The following PCDHGA12 variants were observed in gnomAD, a reference collection of about 807,000 sequenced individuals.
The protein encoded by PCDHGA12 is protocadherin gamma subfamily A, 12.
Under a neutral mutation model 61.1 loss-of-function variants are expected in PCDHGA12, and 43 were observed. The observed-to-expected ratio is 0.70, with a 90% CI of 0.55 to 0.91. PCDHGA12 has a LOEUF of 0.91. Ranked by LOEUF, PCDHGA12 falls within the 40% of genes least tolerant of loss-of-function variation. The pLI is 0.00. For missense variants in PCDHGA12, 1,236 were observed against 1,227.7 expected, an observed-to-expected ratio of 1.01 and a Z score of -0.10; for synonymous variants, 520 against 542.9, an observed-to-expected ratio of 0.96 and a Z score of 0.59.
chr5:141,478,637 G>A (rs1227108157), intron 1 of PCDHGA12: 2 of 1,552,684 alleles, frequency 1.3e-6, no homozygotes, highest in Non-Finnish European at 1.7e-6. Context: ...TTTTAGTGAT[G>A]AAGATGTTTT....
intron 1 of PCDHGA12, among the ~76,000 whole-genome samples, chr5:141,488,802 A>G (rs910422824): frequency 2.0e-5 from 3 of 152,294 alleles, no homozygotes; most frequent in Middle Eastern, 3.4e-3. Flanking sequence ...CCTGTTGAGT[A>G]CCATCTGAGC....
intron 1 of PCDHGA12, among the ~76,000 whole-genome samples, chr5:141,457,015 A>T (rs1216403373): frequency 6.6e-6 from 1 of 152,182 alleles, no homozygotes; most frequent in Admixed American, 6.5e-5. Context: ...AATCCAATAA[A>T]AAGTCCTAGT....
In PCDHGA12 at chr5:141,432,139, T is replaced by A. The variant is rs950514553; in HGVS notation, c.1380T>A (p.Tyr460Ter). ...TCCCTCAGGCCTCCTATTCCGCTTA[T>A]ATCCCAGAGAACAATCCCAGAGGAG... is the stretch of plus-strand genomic sequence containing the variant. The part of the protein sequence containing the change: ...PVFPQASYSA[Y>*]IPENNPRGVS... Residue 460 changes from tyrosine to a stop codon, truncating the protein, a stop_gained, in exon 1 of 4, where the codon TAT becomes TAA. Transcript: ENST00000252085. LOFTEE classifies it high-confidence loss of function. The surrounding 1 kb of genome is among the most constrained non-coding windows in gnomAD (Gnocchi z 6.0). The A allele has an allele frequency of 6.8e-6, 11 of 1,613,976 alleles. No individual in the cohort carries two copies. Among genetic ancestry groups the A allele is most frequent in the Non-Finnish European group, 9.3e-6 (11 of 1,180,032 alleles).
In PCDHGA12 at chr5:141,430,556, C is replaced by A. The variant is rs1479639096; in HGVS notation, c.-204C>A. The A allele has an allele frequency of 9.7e-6, 4 of 413,394 alleles. No homozygotes were observed. Among genetic ancestry groups the A allele is most frequent in the African/African-American group, 2.1e-5 (1 of 48,690 alleles). 25.6% of individuals were successfully genotyped at this position (413,394 alleles called of 1,614,324 possible). On this transcript the variant is annotated 5_prime_UTR_variant, in exon 1 of 4. Transcript: ENST00000252085. ...ACTCTGAGCGCCGCTGTTCACCAAT[C>A]GGGGAGAGAAAAGCGGAGATCCTGC...
At chr5:141,474,893 T>C (rs1406276730) in intron 1 of PCDHGA12, among the ~76,000 whole-genome samples, 1 of 152,256 alleles carries the variant, frequency 6.6e-6, no homozygotes, top group East Asian at 1.9e-4. Flanking sequence ...TAGAGGTTCA[T>C]TTCTTGTTCA....
rs1228831823 is a variant in PCDHGA12, at chr5:141,487,778, T to C, written c.2425-7029T>C. ...GGTAGACGCTGTGCTTTGTAACTGT[T>C]TCGTGAATTAACCAGAGTTGTCACA... On this transcript the variant is annotated intron_variant, in intron 1 of 3. Coordinates refer to ENST00000252085, the MANE Select transcript of PCDHGA12 (RefSeq NM_003735.3). The surrounding 1 kb of genome is among the most constrained non-coding windows in gnomAD (Gnocchi z 5.0). The C allele has an allele frequency of 6.5e-7, 1 of 1,531,514 alleles. No individual in the cohort carries two copies. The highest frequency in any genetic ancestry group is 2.0e-5 in the Admixed American group (1 of 49,632). 94.9% of individuals were successfully genotyped at this position (1,531,514 alleles called of 1,614,324 possible).
intron 1 of PCDHGA12, among the ~76,000 whole-genome samples, chr5:141,460,070 T>C (rs547558436): frequency 2.0e-5 from 3 of 152,202 alleles, no homozygotes; most frequent in South Asian, 2.1e-4. Flanking sequence ...AGAGTGAGAC[T>C]TCATCTAAAA....
At position 141,491,766 on chromosome 5, in the gene PCDHGA12, T is replaced by G. The variant is rs772444495; in HGVS notation, c.2425-3041T>G. On this transcript the variant is annotated intron_variant, in intron 1 of 3. Coordinates refer to ENST00000252085, the MANE Select transcript of PCDHGA12 (RefSeq NM_003735.3). This position sits in a 1 kb window ranked among gnomAD's most constrained non-coding sequence, Gnocchi z 6.9. ...GCACTGGAGAAGCCGCCCGTCCTCA[T>G]AAGGGATTGAACTTGCATCCACTCC... The G allele has an allele frequency of 1.9e-6, 3 of 1,567,856 alleles. No homozygotes were observed. Among genetic ancestry groups the G allele is most frequent in the Non-Finnish European group, 8.6e-7 (1 of 1,158,088 alleles).
At chr5:141,499,115 C>T (rs940275925) in intron 2 of PCDHGA12, among the ~76,000 whole-genome samples, 16 of 152,124 alleles carry the variant, frequency 1.1e-4, no homozygotes, top group African/African-American at 3.9e-4. Context: ...CACCACTATC[C>T]CTTCTCAGGT....
At chr5:141,434,683 T>A (rs1057301534) in intron 1 of PCDHGA12, among the ~76,000 whole-genome samples, 8 of 152,248 alleles carry the variant, frequency 5.3e-5, no homozygotes, top group Non-Finnish European at 5.9e-5. Flanking sequence ...AATGACTGGC[T>A]TGCTGTTAAT....
intron 1 of PCDHGA12, among the ~76,000 whole-genome samples, chr5:141,472,792 C>A (rs2099297177): frequency 6.6e-6 from 1 of 151,698 alleles, no homozygotes; most frequent in African/African-American, 2.4e-5. Context: ...TCAAGATCAG[C>A]CTGACCAACA....
intron 1 of PCDHGA12, among the ~76,000 whole-genome samples, chr5:141,462,035 C>G (rs35674654): frequency 2.0e-5 from 3 of 152,076 alleles, no homozygotes; most frequent in Non-Finnish European, 4.4e-5. Context: ...GTTGGTCAGG[C>G]GGGTCTTGAA....
chr5:141,500,835 A>G (rs965204931), intron 2 of PCDHGA12, among the ~76,000 whole-genome samples: 13 of 152,118 alleles, frequency 8.5e-5, no homozygotes, highest in African/African-American at 3.1e-4. Context: ...TCTAATGCTA[A>G]TGGGCTTTTG....
At chr5:141,488,932 A>G (rs2233598) in intron 1 of PCDHGA12, among the ~76,000 whole-genome samples, 31,368 of 152,090 alleles carry the variant, frequency 0.21, 3,372 homozygotes, top group Admixed American at 0.31. Flanking sequence ...GGATTGAGGA[A>G]ACTCCATAAT....
At chr5:141,473,919 A>G (rs2099331297) in intron 1 of PCDHGA12, among the ~76,000 whole-genome samples, 1 of 152,172 alleles carries the variant, frequency 6.6e-6, no homozygotes, top group African/African-American at 2.4e-5. Flanking sequence ...TAAGAAAACT[A>G]TGAGCTGGGT....
Position 141,485,261 on chromosome 5 carries a change from C to G in PCDHGA12, c.2425-9546C>G, listed in dbSNP as rs759268725. 1 of 1,614,076 alleles carries G rather than the reference C, an allele frequency of 6.2e-7. No homozygotes were observed. The highest frequency in any genetic ancestry group is 8.5e-7 in the Non-Finnish European group (1 of 1,179,904). On this transcript the variant is annotated intron_variant, in intron 1 of 3. Transcript: ENST00000252085. This position sits in a 1 kb window ranked among gnomAD's most constrained non-coding sequence, Gnocchi z 5.7. The stretch of plus-strand genomic sequence containing the variant: ...TTACCACCTGGGTTACGTTTGTGGG[C>G]AGATCCGCTACCCGGTCCCAGAGGA...
In PCDHGA12 at chr5:141,489,094, G is replaced by T; in HGVS notation, c.2425-5713G>T. The T allele has an allele frequency of 1.5e-5, 6 of 395,994 alleles. No homozygotes were observed. The highest frequency in any genetic ancestry group is 4.1e-5 in the East Asian group (1 of 24,388). The allele number at this position is 395,994 out of a possible 1,614,324, so 24.5% of individuals were successfully genotyped here. ...CCCACCCCCGCCACTCGGTGACTAA[G>T]AACTGCTGCAAGCAGGCAAACCTCC... On this transcript the variant is annotated intron_variant, in intron 1 of 3. Coordinates refer to ENST00000252085, the MANE Select transcript of PCDHGA12 (RefSeq NM_003735.3). This position sits in a 1 kb window ranked among gnomAD's most constrained non-coding sequence, Gnocchi z 4.5.
intron 1 of PCDHGA12, among the ~76,000 whole-genome samples, chr5:141,450,313 T>G (rs2098676929): frequency 6.6e-6 from 1 of 152,172 alleles, no homozygotes; most frequent in Middle Eastern, 3.4e-3. Context: ...ATGTGTGGCC[T>G]AGTTGCCATG....
Position 141,485,739 on chromosome 5 carries a change from G to A in PCDHGA12, c.2425-9068G>A. 6.2e-7 allele frequency: 1 copy of A among 1,614,234 alleles called. No individual in the cohort carries two copies. Among genetic ancestry groups the A allele is most frequent in the Non-Finnish European group, 8.5e-7 (1 of 1,180,042 alleles). ...GATGTGAAGAAGCGCAGCGACGGCA[G>A]CCTGGTCCCAGAGCTGCTCCTGGAG... On this transcript the variant is annotated intron_variant, in intron 1 of 3. Transcript: ENST00000252085. The surrounding 1 kb of genome is among the most constrained non-coding windows in gnomAD (Gnocchi z 5.7).
Sources: gnomAD v4.1 joint callset for allele counts (sites outside exome capture counted in the v4.1 genomes callset) on GRCh38, gnomAD v4.1.1 for gene constraint, Gnocchi (gnomAD v3.1) non-coding constraint, MANE v1.5 for transcripts, NCBI Gene and HGNC (gene_info 2026-07-23, HGNC 2026-07-21) for gene names.